The following NOMO1 variants were observed in gnomAD, a reference collection of about 807,000 sequenced individuals.
NOMO1 encodes NODAL modulator 1, also known as nodal modulator 3.
In NOMO1, 40 loss-of-function variants were observed where a neutral mutation model predicts 133.8. The observed-to-expected ratio is 0.30, with a 90% CI of 0.23 to 0.39. NOMO1 has a LOEUF of 0.39. NOMO1 is among the 10% of genes least tolerant of loss of function. The pLI is 1.00. For synonymous variants in NOMO1, 236 were observed against 570.5 expected, an observed-to-expected ratio of 0.41 and a Z score of 8.36; for missense variants, 462 against 1,419.9, an observed-to-expected ratio of 0.33 and a Z score of 10.84.
intron 2 of NOMO1, among the ~76,000 whole-genome samples, chr16:14,839,015 T>C (rs1245331273): frequency 6.6e-6 from 1 of 151,992 alleles, no homozygotes; most frequent in African/African-American, 2.4e-5. Context: ...CCCTCTGTAG[T>C]GATAACCTTT....
At chr16:14,858,611 C>T (rs1185530721) in intron 11 of NOMO1, among the ~76,000 whole-genome samples, 1 of 152,062 alleles carries the variant, frequency 6.6e-6, no homozygotes, top group Non-Finnish European at 1.5e-5. Flanking sequence ...CTGGGTGCTA[C>T]TGAAGCAGAA....
chr16:14,886,501 ATTAAC>A (rs1964326597), intron 27 of NOMO1, among the ~76,000 whole-genome samples: 2 of 140,542 alleles, frequency 1.4e-5, no homozygotes, highest in African/African-American at 5.4e-5. Flanking sequence ...TTACTATTAT[ATTAAC>A]TTATATTACT....
Position 14,864,842 on chromosome 16 carries a change from G to A in NOMO1, c.1537+116G>A, listed in dbSNP as rs879110544. On this transcript the variant is annotated intron_variant, in intron 13 of 30. Transcript: ENST00000287667. ...TGTTTGCTACTGATCACCTGCGTGC[G>A]AGGGAGGCTTCTTGGAGTCAAGTGG... is the stretch of plus-strand genomic sequence containing the variant. 2.6e-5 allele frequency: 39 copies of A among 1,505,756 alleles called. 2 individuals carry two copies. The highest frequency in any genetic ancestry group is 2.5e-4 in the South Asian group (21 of 84,126). 93.3% of individuals were successfully genotyped at this position (1,505,756 alleles called of 1,614,324 possible).
intron 3 of NOMO1, among the ~76,000 whole-genome samples, chr16:14,841,807 T>A (rs1478555986): frequency 2.0e-5 from 3 of 151,668 alleles, no homozygotes; most frequent in African/African-American, 7.3e-5. Flanking sequence ...ATTGTGAGAT[T>A]TGTCATAAAA....
At chr16:14,884,603 CAG>C (rs1964294967) in intron 27 of NOMO1, 121 bp downstream of exon 27, 1 of 1,462,654 alleles carries the variant, frequency 6.8e-7, no homozygotes, top group Admixed American at 1.8e-5. Context: ...GGAGGTGCTC[CAG>C]AGCGCCGCCT....
chr16:14,856,198 C>T (rs1454997301), intron 9 of NOMO1, among the ~76,000 whole-genome samples: 2 of 151,866 alleles, frequency 1.3e-5, no homozygotes, highest in South Asian at 2.1e-4. Context: ...ACTAAGAAAT[C>T]GAACGAGGAC....
At chr16:14,884,964 G>A (rs1597115089) in intron 27 of NOMO1, among the ~76,000 whole-genome samples, 1 of 152,136 alleles carries the variant, frequency 6.6e-6, no homozygotes, top group African/African-American at 2.4e-5. Flanking sequence ...GCATAGTGGT[G>A]TCTGCTTCTG....
intron 5 of NOMO1, 86 bp downstream of exon 5, chr16:14,846,769 G>T: frequency 1.3e-6 from 2 of 1,559,458 alleles, no homozygotes; most frequent in Non-Finnish European, 1.8e-6. Context: ...TTGGATTCAG[G>T]GAGTTCTGGG....
intron 1 of NOMO1, among the ~76,000 whole-genome samples, chr16:14,836,089 G>A (rs28639716): frequency 5.9e-5 from 9 of 151,588 alleles, no homozygotes; most frequent in African/African-American, 1.5e-4. Flanking sequence ...TCTCTGGAAA[G>A]CCAGCCGATC....
intron 24 of NOMO1, 125 bp from the exon 25 acceptor site, chr16:14,881,419 T>A: frequency 6.2e-7 from 1 of 1,606,390 alleles, no homozygotes; most frequent in Non-Finnish European, 8.5e-7. Flanking sequence ...CTGAGTTGCC[T>A]GGGTCATTGA....
chr16:14,888,703 G>A lies in NOMO1; in HGVS notation c.3325-393G>A, dbSNP rs556919579. On this transcript the variant is annotated intron_variant, in intron 28 of 30. Transcript: ENST00000287667. ...CCAGCTTACGAGCCTCTCAAGCATC[G>A]TCCCTTTGAAGTCAGCCCCGTTGTG... 1.6e-3 allele frequency: 489 copies of A among 315,102 alleles called. 11 individuals carry two copies. Among genetic ancestry groups the A allele is most frequent in the South Asian group, 9.7e-3 (335 of 34,410 alleles). The allele number at this position is 315,102 out of a possible 1,614,324, so 19.5% of individuals were successfully genotyped here.
chr16:14,871,170 T>C (rs551266084), intron 16 of NOMO1, among the ~76,000 whole-genome samples: 41 of 151,874 alleles, frequency 2.7e-4, no homozygotes, highest in African/African-American at 9.7e-4. Context: ...GACTCACACT[T>C]TTCTGGGGCT....
At chr16:14,864,459 G>A (rs1040153149) in intron 12 of NOMO1, 126 bp from the exon 13 acceptor site, 39 of 1,525,270 alleles carry the variant, frequency 2.6e-5, no homozygotes, top group Non-Finnish European at 7.1e-6. Flanking sequence ...AAATCGGCCT[G>A]GAAACGAACC....
At position 14,857,672 on chromosome 16, in the gene NOMO1, G is replaced by T. The variant is rs1254238669; in HGVS notation, c.1220+17G>T. On this transcript the variant is annotated intron_variant, in intron 11 of 30. Transcript: ENST00000287667. Reference sequence around the variant, plus strand: ...TGCAACAGGGTAAGCTTATCGTGTGGATTTGGAAGCGCCAGTAAATATGCT... The same window carrying T: ...TGCAACAGGGTAAGCTTATCGTGTGTATTTGGAAGCGCCAGTAAATATGCT... 2 of 1,613,690 alleles carry T rather than the reference G, an allele frequency of 1.2e-6. No homozygotes were observed. Among genetic ancestry groups the T allele is most frequent in the South Asian group, 2.2e-5 (2 of 91,054 alleles).
rs552242090 is a variant in NOMO1, at chr16:14,871,395, A to G, written c.1895-226A>G. On this transcript the variant is annotated intron_variant, in intron 16 of 30. Transcript: ENST00000287667. ...GAGTTGTTACCTTATGGAAAATGAAAATCATGCGCCTGTGATCGCGCCATT... is the reference window on the plus strand; with the variant it reads ...GAGTTGTTACCTTATGGAAAATGAAGATCATGCGCCTGTGATCGCGCCATT... 1.5e-4 allele frequency among the ~76,000 whole-genome samples: 23 copies of G among 152,084 alleles called. No homozygotes were observed. In the South Asian group the frequency reaches 4.8e-3, roughly 32 times the overall value.
chr16:14,880,371 T>G (rs994230581), intron 24 of NOMO1, among the ~76,000 whole-genome samples: 1 of 151,254 alleles, frequency 6.6e-6, no homozygotes, highest in Non-Finnish European at 1.5e-5. Flanking sequence ...AGAGAGCCTA[T>G]TGAGTTGCTA....
At position 14,886,818 on chromosome 16, in the gene NOMO1, C is replaced by T; in HGVS notation, c.3280C>T (p.Gln1094Ter). ...TCCAATCCAGACAGTTTCCCTTGGC[C>T]AGTCCCTGTTCTTCCATTTCCCCCC... ...DNPIQTVSLG[Q>*]SLFFHFPPLL... Residue 1094 changes from glutamine to a stop codon, truncating the protein, a stop_gained, in exon 28 of 31, where the codon CAG (glutamine) becomes TAG (stop). Transcript: ENST00000287667. LOFTEE classifies it high-confidence loss of function. The T allele has an allele frequency of 6.2e-7, 1 of 1,611,726 alleles. No individual in the cohort carries two copies. Among genetic ancestry groups the T allele is most frequent in the Non-Finnish European group, 8.5e-7 (1 of 1,179,822 alleles).
At chr16:14,862,186 T>C (rs1963931028) in intron 11 of NOMO1, among the ~76,000 whole-genome samples, 1 of 151,946 alleles carries the variant, frequency 6.6e-6, no homozygotes, top group Non-Finnish European at 1.5e-5. Context: ...AAAATGATTC[T>C]TGAAGATTCT....
Position 14,871,675 on chromosome 16 carries a change from C to G in NOMO1, c.1949C>G (p.Thr650Ser). ...SCHRFEQAFYTYDTSSPSILT... is the reference protein window; with the variant it reads ...SCHRFEQAFYSYDTSSPSILT... ...CACCGGTTTGAGCAAGCGTTCTACACCTATGACACGTAAGCCTGGGAATTG... is the reference window on the plus strand; with the variant it reads ...CACCGGTTTGAGCAAGCGTTCTACAGCTATGACACGTAAGCCTGGGAATTG... The change falls in exon 17 of 31, where the codon ACC becomes AGC. Residue 650 changes from threonine to serine, a missense_variant. Physicochemically the swap from Thr to Ser is moderately conservative, Grantham distance 58 (BLOSUM62 1). Transcript: ENST00000287667. 3 of 1,604,498 alleles carry G rather than the reference C, an allele frequency of 1.9e-6. No homozygotes were observed. Among genetic ancestry groups the G allele is most frequent in the Non-Finnish European group, 1.7e-6 (2 of 1,174,382 alleles).
Sources: allele counts gnomAD v4.1 joint callset (sites outside exome capture counted in the v4.1 genomes callset), GRCh38; gene constraint gnomAD v4.1.1; transcripts MANE v1.5; gene names NCBI Gene and HGNC (gene_info 2026-07-23, HGNC 2026-07-21).